The following NPRL3 variants were observed in gnomAD, a reference collection of about 807,000 sequenced individuals.
NPRL3 encodes NPR3 like, GATOR1 complex subunit.
Under a neutral mutation model 57.2 loss-of-function variants are expected in NPRL3, and 23 were observed. That is an observed-to-expected ratio of 0.40 (90% CI 0.29 to 0.57). NPRL3 has a LOEUF of 0.57. NPRL3 is among the 20% of genes least tolerant of loss of function. NPRL3 has a pLI of 0.42. For missense variants in NPRL3, 691 were observed against 767.1 expected (o/e 0.90, Z 1.17); for synonymous variants, 333 against 321.1 (o/e 1.04, Z -0.39).
rs762443895 is a variant in NPRL3, at chr16:85,794, G to A, written c.*911C>T. ...CAGGCCTGAGCAAAGGGCCTGCCCA[G>A]ACAAGATTTTTTAATTGTTTAAAAA... On this transcript the variant is annotated 3_prime_UTR_variant, in exon 14 of 14. Transcript: ENST00000611875. 2.3e-5 allele frequency: 34 copies of A among 1,460,786 alleles called. No individual in the cohort carries two copies. Among genetic ancestry groups the A allele is most frequent in the Non-Finnish European group, 3.1e-5 (34 of 1,104,322 alleles). 90.5% of individuals were successfully genotyped at this position (1,460,786 alleles called of 1,614,324 possible).
chr16:98,632 G>A (rs538365130), intron 8 of NPRL3, among the ~76,000 whole-genome samples: 1 of 152,344 alleles, frequency 6.6e-6, no homozygotes, highest in East Asian at 1.9e-4. Context: ...AAGGGCAGTG[G>A]TCTGTTTGGA....
chr16:114,735 A>AT (rs1899956174), intron 5 of NPRL3, among the ~76,000 whole-genome samples: 1 of 152,066 alleles, frequency 6.6e-6, no homozygotes, highest in African/African-American at 2.4e-5. Flanking sequence ...ATTACAGCAA[A>AT]TTTTTTCAGA....
At chr16:92,110 G>C (rs1898786617) in intron 11 of NPRL3, among the ~76,000 whole-genome samples, 1 of 152,160 alleles carries the variant, frequency 6.6e-6, no homozygotes, top group Non-Finnish European at 1.5e-5. Flanking sequence ...CTGGGGACCA[G>C]TGACCCCAGA....
intron 12 of NPRL3, chr16:89,149 A>G (rs967681342): frequency 2.0e-6 from 1 of 502,666 alleles, no homozygotes; most frequent in Non-Finnish European, 3.6e-6. Flanking sequence ...GTGCCCCACA[A>G]ACACCCCAAG....
chr16:94,206 G>A (rs1898888767), intron 9 of NPRL3, among the ~76,000 whole-genome samples: 1 of 151,776 alleles, frequency 6.6e-6, no homozygotes, highest in South Asian at 2.1e-4. Flanking sequence ...GTGGACCCTT[G>A]AACATCAGGA....
rs71391116 is a variant in NPRL3 at position 137,045 on chromosome 16, TAAAAAAAAAAAA to T, written c.118+1093_118+1104del. On this transcript the variant is annotated intron_variant, in intron 2 of 13. Transcript: ENST00000611875. ...CAACATGGCAAAACCCCATCTCTAC[TAAAAAAAAAAAA>T]AAAAAAAAAAAAAATTGCAGGGTGT... 5.4e-3 allele frequency among the ~76,000 whole-genome samples: 354 copies of T among 66,094 alleles called. 2 individuals are homozygous for T. Among genetic ancestry groups the T allele is most frequent in the Middle Eastern group, 0.032 (4 of 126 alleles). The allele number at this position is 66,094 out of a possible 152,430, so 43.4% of individuals were successfully genotyped here.
Position 109,184 on chromosome 16 carries a change from A to C in NPRL3, c.629+1341T>G, listed in dbSNP as rs144416662. Among the ~76,000 whole-genome samples the C allele has an allele frequency of 7.6e-4, 114 of 150,972 alleles. 2 individuals are homozygous for C. In the East Asian group the frequency reaches 0.022, roughly 29 times the overall value. ...CGATCTCACATTGTTGTTCAGGCTG[A>C]TCTTGCACTTCTGACCTCAAGAAAT... On this transcript the variant is annotated intron_variant, in intron 7 of 13. Transcript: ENST00000611875.
intron 5 of NPRL3, among the ~76,000 whole-genome samples, chr16:116,926 G>C (rs1160544597): frequency 1.3e-5 from 2 of 151,448 alleles, no homozygotes; most frequent in Admixed American, 1.3e-4. Flanking sequence ...ATTGAGCCAA[G>C]ATTGCGCTAC....
intron 2 of NPRL3, among the ~76,000 whole-genome samples, chr16:132,105 C>A (rs1433409390): frequency 1.3e-5 from 2 of 151,964 alleles, no homozygotes; most frequent in African/African-American, 4.8e-5. Flanking sequence ...TCCCAAGGCT[C>A]AGGTGATCCT....
chr16:106,463 T>C (rs962228552), intron 7 of NPRL3, among the ~76,000 whole-genome samples: 1 of 151,616 alleles, frequency 6.6e-6, no homozygotes, highest in African/African-American at 2.4e-5. Context: ...CAAAATCCCA[T>C]TTCCACAAAA....
chr16:121,391 A>G (rs1169179244), intron 3 of NPRL3, among the ~76,000 whole-genome samples: 3 of 152,108 alleles, frequency 2.0e-5, no homozygotes, highest in East Asian at 3.9e-4. Context: ...GGGAGGCTGA[A>G]GTGGGTGGAT....
chr16:110,597 C>G lies in NPRL3; in HGVS notation c.557G>C (p.Gly186Ala). ...GATGTGATGGAATGGGGACTGAGGA[C>G]CTTCATTTCCTACAAGAATCACAAC... ...EVSAMADGNE[G>A]PQSPFHHILP... is the part of the protein sequence containing the mutation. Residue 186 changes from glycine (G) to alanine (A), a missense_variant, in exon 7 of 14, where the codon GGT becomes GCT. Coordinates refer to ENST00000611875, the MANE Select transcript of NPRL3 (RefSeq NM_001077350.3). 6.2e-7 allele frequency: 1 copy of G among 1,608,568 alleles called. No homozygotes were observed. Among genetic ancestry groups the G allele is most frequent in the Non-Finnish European group, 8.5e-7 (1 of 1,177,262 alleles).
At chr16:111,456 AT>A (rs1006253066) in intron 6 of NPRL3, among the ~76,000 whole-genome samples, 13 of 148,830 alleles carry the variant, frequency 8.7e-5, no homozygotes, top group Admixed American at 1.3e-4. Context: ...TTATTTATTT[AT>A]TTTTTTTTTG....
intron 2 of NPRL3, among the ~76,000 whole-genome samples, chr16:137,620 G>C (rs542003179): frequency 6.6e-6 from 1 of 151,896 alleles, no homozygotes; most frequent in South Asian, 2.1e-4. Flanking sequence ...CGCGATCTCG[G>C]TTCACTGAAA....
chr16:134,464 T>C (rs1323986815), intron 2 of NPRL3, among the ~76,000 whole-genome samples: 4 of 152,044 alleles, frequency 2.6e-5, no homozygotes, highest in Non-Finnish European at 4.4e-5. Flanking sequence ...TGAAGACATA[T>C]CATTTTCCTG....
chr16:135,893 G>A (rs139440561), intron 2 of NPRL3, among the ~76,000 whole-genome samples: 30 of 152,102 alleles, frequency 2.0e-4, no homozygotes, highest in Non-Finnish European at 3.8e-4. Context: ...CAACCCAAGA[G>A]AACATTAGGC....
At chr16:136,606 T>A (rs1901093568) in intron 2 of NPRL3, among the ~76,000 whole-genome samples, 1 of 149,548 alleles carries the variant, frequency 6.7e-6, no homozygotes, top group Non-Finnish European at 1.5e-5. Context: ...GCAGGAGAAT[T>A]GCTTGACAGG....
At position 86,764 on chromosome 16, in the gene NPRL3, G is replaced by C; in HGVS notation, c.1651C>G (p.Leu551Val). The stretch of plus-strand genomic sequence containing the variant: ...GGGTCCTCGTGGGTGGTCACCACCA[G>C]CACGCTGCGGAACTTGTCAAACAGC... The part of the protein sequence containing the change: ...LMLFDKFRSV[L>V]VVTTHEDPVI... The change falls in exon 14 of 14, where the codon CTG (leucine) becomes GTG (valine). Residue 551 changes from leucine to valine, a missense_variant. Physicochemically the swap from Leu to Val is conservative, Grantham distance 32 (BLOSUM62 1). Transcript: ENST00000611875. 1 of 1,593,624 alleles carries C rather than the reference G, an allele frequency of 6.3e-7. No individual in the cohort carries two copies. Among genetic ancestry groups the C allele is most frequent in the Non-Finnish European group, 8.5e-7 (1 of 1,171,032 alleles).
chr16:112,863 G>T, intron 5 of NPRL3, 88 bp from the exon 6 acceptor site: 1 of 1,269,488 alleles, frequency 7.9e-7, no homozygotes, highest in Non-Finnish European at 1.0e-6. Flanking sequence ...CAGGTACACA[G>T]CAAAAACTCA....
Sources: gnomAD v4.1 joint callset for allele counts (sites outside exome capture counted in the v4.1 genomes callset) on GRCh38, gnomAD v4.1.1 for gene constraint, MANE v1.5 for transcripts, NCBI Gene and HGNC (gene_info 2026-07-23, HGNC 2026-07-21) for gene names.